The following SEPTIN9 variants were observed in gnomAD, a reference collection of about 807,000 sequenced individuals.
The protein encoded by SEPTIN9 is septin-9.
Under a neutral mutation model 56.6 loss-of-function variants are expected in SEPTIN9, and 13 were observed. That is an observed-to-expected ratio of 0.23 (90% CI 0.15 to 0.37). The LOEUF (loss-of-function observed/expected upper bound fraction) is 0.37. Among genes scored for constraint, SEPTIN9 ranks in the 10% least tolerant of loss-of-function variants. SEPTIN9 has a pLI of 1.00. For missense variants in SEPTIN9, 650 were observed against 823.1 expected, an observed-to-expected ratio of 0.79 and a Z score of 2.57; for synonymous variants, 332 against 334.1, an observed-to-expected ratio of 0.99 and a Z score of 0.07.
At chr17:77,404,351 T>C (rs117095341) in intron 3 of SEPTIN9, among the ~76,000 whole-genome samples, 3,195 of 152,212 alleles carry the variant, frequency 0.021, 144 homozygotes, top group East Asian at 0.17. Context: ...CTCAAGTGAT[T>C]CCCCAGCCTC....
At chr17:77,399,617 T>G (rs769480782) in intron 2 of SEPTIN9, among the ~76,000 whole-genome samples, 7 of 152,134 alleles carry the variant, frequency 4.6e-5, no homozygotes, top group Non-Finnish European at 1.0e-4. Context: ...GGGGCGGTAA[T>G]AATATTCTTT....
chr17:77,354,822 G>C (rs2034173226), intron 2 of SEPTIN9, among the ~76,000 whole-genome samples: 1 of 152,214 alleles, frequency 6.6e-6, no homozygotes, highest in East Asian at 1.9e-4. Flanking sequence ...TTGCGTCCTT[G>C]AGGACGTTGA....
intron 4 of SEPTIN9, 57 bp downstream of exon 4, chr17:77,482,392 A>G: frequency 1.3e-6 from 2 of 1,570,014 alleles, no homozygotes; most frequent in South Asian, 1.1e-5. Flanking sequence ...CTCAGCCCCC[A>G]GGGCGGCCCA....
At chr17:77,328,695 A>G (rs970964509) in intron 2 of SEPTIN9, among the ~76,000 whole-genome samples, 1 of 152,170 alleles carries the variant, frequency 6.6e-6, no homozygotes, top group African/African-American at 2.4e-5. Context: ...GAGGCCTACT[A>G]TGTGCAGCCC....
chr17:77,430,406 A>C (rs2037083243), intron 3 of SEPTIN9, among the ~76,000 whole-genome samples: 1 of 152,096 alleles, frequency 6.6e-6, no homozygotes, highest in African/African-American at 2.4e-5. Context: ...GGAGGAACCC[A>C]CTAGGCCGTG....
intron 2 of SEPTIN9, among the ~76,000 whole-genome samples, chr17:77,398,781 G>C (rs1457817845): frequency 2.6e-5 from 4 of 152,210 alleles, no homozygotes; most frequent in Non-Finnish European, 5.9e-5. Flanking sequence ...CCTTTGAGCA[G>C]CGCCGTCCTG....
intron 1 of SEPTIN9, among the ~76,000 whole-genome samples, chr17:77,295,203 C>CT (rs1346362446): frequency 2.6e-5 from 4 of 152,094 alleles, no homozygotes. Context: ...ATGTTTGACC[C>CT]TGTGGACATG....
At chr17:77,438,213 A>G (rs1468549380) in intron 3 of SEPTIN9, among the ~76,000 whole-genome samples, 2 of 152,170 alleles carry the variant, frequency 1.3e-5, no homozygotes, top group Admixed American at 1.3e-4. Context: ...CACTGCACAC[A>G]CTGCCTCACT....
In SEPTIN9 at chr17:77,437,877, A is replaced by G. The variant is rs909495758; in HGVS notation, c.721+35174A>G. ...AAGCTTCTCCCTGGCCCCAGGCCAG[A>G]GGTGACAGTGGGGGCCCCTTGCTTG... On this transcript the variant is annotated intron_variant, in intron 3 of 11. Transcript: ENST00000427177. The surrounding 1 kb of genome is among the most constrained non-coding windows in gnomAD (Gnocchi z 5.3). Among the ~76,000 whole-genome samples, 1 of 151,952 alleles carries G rather than the reference A, an allele frequency of 6.6e-6. No homozygotes were observed. Among genetic ancestry groups the G allele is most frequent in the African/African-American group, 2.4e-5 (1 of 41,436 alleles).
chr17:77,391,157 C>T (rs2035526900), intron 2 of SEPTIN9, among the ~76,000 whole-genome samples: 1 of 152,172 alleles, frequency 6.6e-6, no homozygotes, highest in African/African-American at 2.4e-5. Context: ...CCCATATCTC[C>T]TTTTCAGAAC....
At chr17:77,466,321 T>TCAGGCCCGGGC (rs1190080998) in intron 3 of SEPTIN9, 20 of 924,694 alleles carry the variant, frequency 2.2e-5, no homozygotes, top group Non-Finnish European at 2.6e-5. Flanking sequence ...AGGAAAGTGG[T>TCAGGCCCGGGC]CAGGCCCGGG....
rs2034706438 is a variant in SEPTIN9 at position 77,371,087 on chromosome 17, T to C, written c.77-30972T>C. On this transcript the variant is annotated intron_variant, in intron 2 of 11. Transcript: ENST00000427177. This position sits in a 1 kb window ranked among gnomAD's most constrained non-coding sequence, Gnocchi z 4.1. ...TGGTTAGATACGAGGGTGAACTTCCTGGCTGGGAGTATGGCCAAGCCCTGA... is the reference window on the plus strand; with the variant it reads ...TGGTTAGATACGAGGGTGAACTTCCCGGCTGGGAGTATGGCCAAGCCCTGA... Among the ~76,000 whole-genome samples the C allele has an allele frequency of 6.6e-6, 1 of 152,198 alleles. No homozygotes were observed. The highest frequency in any genetic ancestry group is 2.1e-4 in the South Asian group (1 of 4,832).
chr17:77,486,685 T>TTG (rs2143325970), intron 4 of SEPTIN9, among the ~76,000 whole-genome samples: 1 of 151,732 alleles, frequency 6.6e-6, no homozygotes, highest in South Asian at 2.1e-4. Context: ...TGTATGTGAG[T>TTG]TGTGTGTGTT....
At chr17:77,373,005 C>T (rs892153766) in intron 2 of SEPTIN9, among the ~76,000 whole-genome samples, 1 of 152,142 alleles carries the variant, frequency 6.6e-6, no homozygotes. Context: ...CCCCTCTGGG[C>T]GCCCGCCCTC....
At chr17:77,404,095 G>A (rs780701000) in intron 3 of SEPTIN9, among the ~76,000 whole-genome samples, 1 of 152,198 alleles carries the variant, frequency 6.6e-6, no homozygotes, top group African/African-American at 2.4e-5. Context: ...TTCATCCGTC[G>A]TGCTGTAGCA....
intron 2 of SEPTIN9, among the ~76,000 whole-genome samples, chr17:77,341,784 C>A (rs867290031): frequency 7.7e-4 from 87 of 113,398 alleles, no homozygotes; most frequent in Admixed American, 9.5e-4. Context: ...GACTCCATCT[C>A]AAAAAAAAAA....
intron 2 of SEPTIN9, among the ~76,000 whole-genome samples, chr17:77,334,137 A>C (rs1271206854): frequency 6.6e-6 from 1 of 152,068 alleles, no homozygotes; most frequent in Non-Finnish European, 1.5e-5. Context: ...TTAAAAAAAA[A>C]ATTGGCCGGG....
chr17:77,388,808 C>T (rs865939982), intron 2 of SEPTIN9, among the ~76,000 whole-genome samples: 219 of 94,192 alleles, frequency 2.3e-3, no homozygotes, highest in Middle Eastern at 5.6e-3. Flanking sequence ...TGGTGTTAGG[C>T]GCTTTTTTTT....
At chr17:77,454,173 G>A (rs1303042564) in intron 3 of SEPTIN9, 1 of 985,532 alleles carries the variant, frequency 1.0e-6, no homozygotes, top group Non-Finnish European at 1.2e-6. Flanking sequence ...ACAGAGCATC[G>A]ATACCACCTG....
Sources: allele counts gnomAD v4.1 joint callset (sites outside exome capture counted in the v4.1 genomes callset), GRCh38; gene constraint gnomAD v4.1.1; non-coding constraint Gnocchi (gnomAD v3.1); transcripts MANE v1.5; gene names NCBI Gene and HGNC (gene_info 2026-07-23, HGNC 2026-07-21).